ATP8B4: variants seen among roughly 807,000 people sequenced by gnomAD.
The protein encoded by ATP8B4 is probable phospholipid-transporting ATPase IM.
In ATP8B4, 133 loss-of-function variants were observed where a neutral mutation model predicts 145.6. The observed-to-expected ratio is 0.91, with a 90% CI of 0.79 to 1.05. The LOEUF (loss-of-function observed/expected upper bound fraction) is 1.05, where lower values mean the gene tolerates loss of function less well. Among genes scored for constraint, ATP8B4 ranks in the 50% least tolerant of loss-of-function variants. ATP8B4 has a pLI of 0.00. For missense variants in ATP8B4, 1,458 were observed against 1,425.2 expected, an observed-to-expected ratio of 1.02 and a Z score of -0.37; for synonymous variants, 507 against 492.9, an observed-to-expected ratio of 1.03 and a Z score of -0.38.
At position 50,011,877 on chromosome 15, in the gene ATP8B4, G is replaced by A. The variant is rs1411275446; in HGVS notation, c.363-960C>T. ...TTGCCCAACAAGTTGAGGTGGACAG[G>A]TTAATTTCATTGTACTTTAAAAAAA... On this transcript the variant is annotated intron_variant, in intron 6 of 27. Coordinates refer to ENST00000284509, the MANE Select transcript of ATP8B4 (RefSeq NM_024837.4). Among the ~76,000 whole-genome samples the A allele has an allele frequency of 3.3e-5, 5 of 151,170 alleles. No homozygotes were observed. In the East Asian group the frequency reaches 9.8e-4, roughly 30 times the overall value.
intron 6 of ATP8B4, 94 bp downstream of exon 6, chr15:50,038,674 C>A: frequency 1.1e-6 from 1 of 896,654 alleles, no homozygotes; most frequent in Non-Finnish European, 1.8e-6. Context: ...AAAAAAGAAT[C>A]ATGTATCTAA....
rs189919538 is a variant in ATP8B4, at chr15:49,950,083, T to C, written c.1287+11894A>G. Among the ~76,000 whole-genome samples the C allele has an allele frequency of 5.1e-3, 775 of 152,322 alleles. 21 individuals are homozygous for C. Among genetic ancestry groups the C allele is most frequent in the Admixed American group, 0.041 (625 of 15,302 alleles). ...TTGCCAGTATTTTATTGAAGATTTT[T>C]GCATCGATATTCATCAGGGATATTG... On this transcript the variant is annotated intron_variant, in intron 14 of 27. Coordinates refer to ENST00000284509, the MANE Select transcript of ATP8B4 (RefSeq NM_024837.4).
In ATP8B4 at chr15:50,002,206, T is replaced by C. The variant is rs773837817; in HGVS notation, c.453A>G (p.Leu151=). ...NQFVAADLLL[L]SSSEPHGLCY... The stretch of plus-strand genomic sequence containing the variant: ...AGAGACCATGTGGCTCACTACTTGA[T>C]AGGAGAAGTAAATCAGCCTATTTTC... The change falls in exon 8 of 28, where the codon CTA becomes CTG. Residue 151 remains leucine, a synonymous_variant. Coordinates refer to ENST00000284509, the MANE Select transcript of ATP8B4 (RefSeq NM_024837.4). 30 of 1,610,440 alleles carry C rather than the reference T, an allele frequency of 1.9e-5. No homozygotes were observed. Among genetic ancestry groups the C allele is most frequent in the East Asian group, 1.6e-4 (7 of 44,654 alleles).
chr15:50,155,985 T>A (rs1349718958), intron 1 of ATP8B4, among the ~76,000 whole-genome samples: 2 of 149,414 alleles, frequency 1.3e-5, no homozygotes, highest in Non-Finnish European at 3.0e-5. Context: ...TTTCAATGTT[T>A]ATATTTTAGC....
chr15:50,177,221 C>T (rs1316709563), intron 1 of ATP8B4, among the ~76,000 whole-genome samples: 1 of 152,080 alleles, frequency 6.6e-6, no homozygotes, highest in Non-Finnish European at 1.5e-5. Flanking sequence ...CAAGAATGGC[C>T]CTGTGCATTA....
intron 23 of ATP8B4, among the ~76,000 whole-genome samples, chr15:49,884,366 C>T (rs372438493): frequency 1.3e-5 from 2 of 151,956 alleles, no homozygotes; most frequent in East Asian, 1.9e-4. Context: ...CTTTGGGGGT[C>T]GAGGCTAGTG....
intron 24 of ATP8B4, among the ~76,000 whole-genome samples, chr15:49,876,914 T>G (rs1202128136): frequency 6.6e-6 from 1 of 152,094 alleles, no homozygotes; most frequent in African/African-American, 2.4e-5. Flanking sequence ...GCCCCAGAAG[T>G]TAATTGTCAA....
At chr15:50,178,974 A>G (rs2044804809) in intron 1 of ATP8B4, among the ~76,000 whole-genome samples, 1 of 152,200 alleles carries the variant, frequency 6.6e-6, no homozygotes, top group African/African-American at 2.4e-5. Context: ...AAATTCAGGA[A>G]TCAAACAACT....
intron 9 of ATP8B4, among the ~76,000 whole-genome samples, chr15:49,994,301 C>T (rs1306451498): frequency 6.6e-6 from 1 of 152,122 alleles, no homozygotes; most frequent in African/African-American, 2.4e-5. Context: ...CTAAAGCTTC[C>T]TCCTCACCCC....
intron 14 of ATP8B4, among the ~76,000 whole-genome samples, chr15:49,943,404 CA>C (rs145539419): frequency 0.17 from 23,925 of 144,828 alleles, 3,167 homozygotes; most frequent in African/African-American, 0.37. Context: ...AACAAACAAA[CA>C]AAAAAAAAAC....
At chr15:50,033,446 T>A (rs1383980595) in intron 6 of ATP8B4, among the ~76,000 whole-genome samples, 1 of 152,226 alleles carries the variant, frequency 6.6e-6, no homozygotes, top group Non-Finnish European at 1.5e-5. Flanking sequence ...ACTCTATTTG[T>A]TAATAATGAC....
intron 6 of ATP8B4, among the ~76,000 whole-genome samples, chr15:50,029,269 A>G (rs1328883075): frequency 2.7e-5 from 4 of 150,074 alleles, no homozygotes; most frequent in South Asian, 2.1e-4. Context: ...AGAAAAATAC[A>G]GCAGAATTTT....
intron 1 of ATP8B4, among the ~76,000 whole-genome samples, chr15:50,156,735 A>G (rs895868390): frequency 2.0e-5 from 3 of 152,194 alleles, no homozygotes; most frequent in Non-Finnish European, 4.4e-5. Flanking sequence ...GAGAATGGAT[A>G]ATAATATAGC....
chr15:49,986,638 T>C (rs1247607797), intron 10 of ATP8B4, among the ~76,000 whole-genome samples: 1 of 152,200 alleles, frequency 6.6e-6, no homozygotes, highest in African/African-American at 2.4e-5. Flanking sequence ...CAATTTTGAT[T>C]GCACATAGTC....
intron 6 of ATP8B4, among the ~76,000 whole-genome samples, chr15:50,037,839 A>G (rs1023865056): frequency 3.3e-5 from 5 of 152,216 alleles, no homozygotes; most frequent in Admixed American, 1.3e-4. Flanking sequence ...GAAAAACTGT[A>G]GGTATTCATT....
chr15:50,002,990 A>G (rs1003024939), intron 7 of ATP8B4, among the ~76,000 whole-genome samples: 10 of 152,198 alleles, frequency 6.6e-5, no homozygotes. Flanking sequence ...TCAAAGCTCT[A>G]AACTTATTTT....
intron 5 of ATP8B4, among the ~76,000 whole-genome samples, chr15:50,042,653 T>C (rs1555466257): frequency 6.6e-6 from 1 of 152,208 alleles, no homozygotes; most frequent in Non-Finnish European, 1.5e-5. Flanking sequence ...CTCTACTGAA[T>C]GTTAAGTTTT....
intron 2 of ATP8B4, among the ~76,000 whole-genome samples, chr15:50,105,255 GA>G (rs35342585): frequency 0.47 from 54,281 of 116,424 alleles, 11,695 homozygotes; most frequent in East Asian, 0.65. Flanking sequence ...ACTGAAATTT[GA>G]AAAAAAAAAA....
chr15:50,024,339 C>T (rs2049845639), intron 6 of ATP8B4, among the ~76,000 whole-genome samples: 1 of 151,836 alleles, frequency 6.6e-6, no homozygotes, highest in African/African-American at 2.4e-5. Flanking sequence ...TTTTTTTTCA[C>T]ATTTTGAAAC....
Sources: gnomAD v4.1 joint callset for allele counts (sites outside exome capture counted in the v4.1 genomes callset) on GRCh38, gnomAD v4.1.1 for gene constraint, MANE v1.5 for transcripts, NCBI Gene and HGNC (gene_info 2026-07-23, HGNC 2026-07-21) for gene names.